CCS: variants seen among roughly 807,000 people sequenced by gnomAD.
CCS encodes superoxide dismutase copper chaperone.
A neutral mutation model predicts 35.5 loss-of-function variants in CCS; 32 were observed. The observed-to-expected ratio is 0.90, with a 90% confidence interval of 0.68 to 1.21. The LOEUF (loss-of-function observed/expected upper bound fraction) is 1.21, where lower values mean the gene tolerates loss of function less well. Ranked by LOEUF, CCS falls within the 50% of genes most tolerant of loss-of-function variation. The probability of loss-of-function intolerance (pLI) is 0.00; values close to 1 mark genes in which losing one functional copy is unlikely to be tolerated. For synonymous variants in CCS, 130 were observed against 147.2 expected, an observed-to-expected ratio of 0.88 and a Z score of 0.84; for missense variants, 342 against 375.4, an observed-to-expected ratio of 0.91 and a Z score of 0.73.
Position 66,604,776 on chromosome 11 carries a change from C to CT in CCS, c.490-561dup, listed in dbSNP as rs61616447. Among the ~76,000 whole-genome samples the CT allele has an allele frequency of 5.0e-3, 764 of 152,324 alleles. 3 individuals carry two copies. The highest frequency in any genetic ancestry group is 0.017 in the African/African-American group (725 of 41,562). ...CAAAGGAGAAGGAGGGCAGAGCCAG[C>CT]TTCGAGGGGCTAGGACAGGCCCTTT... On this transcript the variant is annotated intron_variant, in intron 5 of 7. Coordinates refer to ENST00000533244, the MANE Select transcript of CCS (RefSeq NM_005125.2).
intron 5 of CCS, among the ~76,000 whole-genome samples, chr11:66,601,852 A>G (rs1858577492): frequency 6.6e-6 from 1 of 151,790 alleles, no homozygotes; most frequent in Admixed American, 6.6e-5. Flanking sequence ...GATTATGAGC[A>G]TGAGCCAGCA....
In CCS at chr11:66,600,539, A is replaced by G. The variant is rs1391159087; in HGVS notation, c.479A>G (p.Asp160Gly). The G allele has an allele frequency of 6.6e-7, 1 of 1,521,120 alleles. No homozygotes were observed. The highest frequency in any genetic ancestry group is 2.0e-5 in the Admixed American group (1 of 50,484). The allele number at this position is 1,521,120 out of a possible 1,614,324, so 94.2% of individuals were successfully genotyped here. Residue 160 changes from aspartate to glycine, a missense_variant, in exon 5 of 8, where the codon GAC becomes GGC. By Grantham distance (94) the Asp-to-Gly change is moderately conservative (BLOSUM62 -1). Coordinates refer to ENST00000533244, the MANE Select transcript of CCS (RefSeq NM_005125.2). ...GGAGCATCTCATGGGGGCCCCCAGG[A>G]CTCTGACCGGGTAAGTGTCTGTCTG... The part of the protein sequence containing the change: ...PDGASHGGPQ[D>G]SDRHRGDLGN...
At chr11:66,601,411 T>C (rs1858569408) in intron 5 of CCS, among the ~76,000 whole-genome samples, 1 of 152,104 alleles carries the variant, frequency 6.6e-6, no homozygotes, top group South Asian at 2.1e-4. Flanking sequence ...CTATTTTCTA[T>C]CTTGATGGGT....
intron 5 of CCS, among the ~76,000 whole-genome samples, chr11:66,604,563 G>A (rs1190472482): frequency 1.3e-5 from 2 of 152,104 alleles, no homozygotes; most frequent in African/African-American, 4.8e-5. Flanking sequence ...GTAAGGCCTT[G>A]TCACCCCAAA....
intron 2 of CCS, among the ~76,000 whole-genome samples, chr11:66,596,380 CTT>C (rs763924445): frequency 9.5e-5 from 13 of 136,992 alleles, no homozygotes; most frequent in African/African-American, 5.3e-5. Context: ...TGACAACTGA[CTT>C]TTTTTTTTTT....
At chr11:66,594,647 A>G (rs976764703) in intron 2 of CCS, among the ~76,000 whole-genome samples, 1 of 150,894 alleles carries the variant, frequency 6.6e-6, no homozygotes, top group African/African-American at 2.4e-5. Flanking sequence ...GTCATGGTGC[A>G]CTCCTGTAGT....
At chr11:66,593,557 C>A in intron 1 of CCS, 85 bp from the exon 2 acceptor site, 2 of 1,364,134 alleles carry the variant, frequency 1.5e-6, no homozygotes, top group South Asian at 1.2e-5. Flanking sequence ...CAGACCCTTG[C>A]GGTGGTCATA....
intron 5 of CCS, among the ~76,000 whole-genome samples, chr11:66,601,150 T>C (rs1311566119): frequency 6.6e-6 from 1 of 152,224 alleles, no homozygotes; most frequent in African/African-American, 2.4e-5. Flanking sequence ...TAGAGTGCAA[T>C]GGCGCAGTCC....
In CCS at chr11:66,593,589, C is replaced by T. The variant is rs893688168; in HGVS notation, c.40-53C>T. The stretch of plus-strand genomic sequence containing the variant: ...CATAGGGTAGGTGGTGAAACAAAGT[C>T]ATACCAAGGCACTTCCCCAGCGATC... On this transcript the variant is annotated intron_variant, in intron 1 of 7. Coordinates refer to ENST00000533244, the MANE Select transcript of CCS (RefSeq NM_005125.2). 3.2e-6 allele frequency: 5 copies of T among 1,581,260 alleles called. No homozygotes were observed. The African/African-American group carries it at 5.4e-5, about 17-fold the overall frequency.
At chr11:66,596,410 C>G (rs1283156853) in intron 2 of CCS, among the ~76,000 whole-genome samples, 1 of 134,268 alleles carries the variant, frequency 7.4e-6, no homozygotes, top group Non-Finnish European at 1.6e-5. Flanking sequence ...GACGGAATCT[C>G]GCTCTGTTGC....
Position 66,599,106 on chromosome 11 carries a change from T to A in CCS, c.113-10T>A. 1 of 1,614,142 alleles carries A rather than the reference T, an allele frequency of 6.2e-7. No homozygotes were observed. The highest frequency in any genetic ancestry group is 8.5e-7 in the Non-Finnish European group (1 of 1,180,020). On this transcript the variant is annotated splice_polypyrimidine_tract_variant and intron_variant, in intron 2 of 7. Transcript: ENST00000533244. The stretch of plus-strand genomic sequence containing the variant: ...GCCTCTGTTGCCCTCTTCCCTCTCT[T>A]TCTTGCCAGGTGTCCAGGATGTGGA...
At chr11:66,593,403 G>C (rs774259820) in intron 1 of CCS, 103 bp downstream of exon 1, 12 of 1,254,182 alleles carry the variant, frequency 9.6e-6, no homozygotes, top group Non-Finnish European at 1.2e-5. Context: ...ACTTGGGTTG[G>C]GGCCTGGGGC....
Position 66,599,586 on chromosome 11 carries a change from GCATGGACTCCACGTC to G in CCS, c.382_396del (p.Gly128_His132del). ...CTATTGACGGCCTGGAGCCTGGGCT[GCATGGACTCCACGTC>G]CATCAGTACGGGGACCTTACAAACA... On this transcript the variant is annotated inframe_deletion, in exon 4 of 8. Transcript: ENST00000533244. 6.2e-7 allele frequency: 1 copy of G among 1,606,758 alleles called. No individual in the cohort carries two copies.
At chr11:66,593,404 G>C (rs1858416968) in intron 1 of CCS, 104 bp downstream of exon 1, 1 of 1,258,132 alleles carries the variant, frequency 7.9e-7, no homozygotes, top group Non-Finnish European at 1.1e-6. Flanking sequence ...CTTGGGTTGG[G>C]GCCTGGGGCC....
rs1858413670 is a variant in CCS at position 66,593,292 on chromosome 11, C to T, written c.31C>T (p.Leu11Phe). 1 of 1,551,798 alleles carries T rather than the reference C, an allele frequency of 6.4e-7. No homozygotes were observed. The highest frequency in any genetic ancestry group is 1.2e-5 in the South Asian group (1 of 83,882). ...TTCGGATTCGGGGAACCAGGGGACCCTCTGCACGGTGAGGGTCGAGGCTTC... is the reference window on the plus strand; with the variant it reads ...TTCGGATTCGGGGAACCAGGGGACCTTCTGCACGGTGAGGGTCGAGGCTTC... MASDSGNQGT[L>F]CTLEFAVQMT... The change falls in exon 1 of 8, where the codon CTC becomes TTC. Residue 11 changes from leucine (L) to phenylalanine (F), a missense_variant. Leu to Phe is a conservative substitution (Grantham distance 22). Coordinates refer to ENST00000533244, the MANE Select transcript of CCS (RefSeq NM_005125.2).
At chr11:66,597,808 C>T (rs1213191594) in intron 2 of CCS, among the ~76,000 whole-genome samples, 3 of 151,616 alleles carry the variant, frequency 2.0e-5, no homozygotes, top group African/African-American at 4.9e-5. Flanking sequence ...GTGGCTCACG[C>T]CTGTAATTCC....
chr11:66,603,897 G>A (rs1231645014), intron 5 of CCS, among the ~76,000 whole-genome samples: 3 of 151,284 alleles, frequency 2.0e-5, no homozygotes, highest in South Asian at 2.1e-4. Context: ...GTATGGTGGC[G>A]TGCTCTGTAG....
chr11:66,599,389 C>A, intron 3 of CCS, 70 bp from the exon 4 acceptor site: 1 of 1,492,336 alleles, frequency 6.7e-7, no homozygotes, highest in South Asian at 1.4e-5. Flanking sequence ...GACTCCCTGC[C>A]CTTCCCGAGC....
At chr11:66,593,550 AC>A (rs1487607856) in intron 1 of CCS, 91 bp from the exon 2 acceptor site, 1 of 1,333,264 alleles carries the variant, frequency 7.5e-7, no homozygotes, top group Non-Finnish European at 1.1e-6. Flanking sequence ...TTGTTCCCAG[AC>A]CCTTGCGGTG....
Sources: allele counts gnomAD v4.1 joint callset (sites outside exome capture counted in the v4.1 genomes callset), GRCh38; gene constraint gnomAD v4.1.1; transcripts MANE v1.5; gene names NCBI Gene and HGNC (gene_info 2026-07-23, HGNC 2026-07-21).